Variants in CSMD1 observed in about 807,000 individuals in gnomAD.
CSMD1 encodes CUB and sushi domain-containing protein 1.
A neutral mutation model predicts 417.5 loss-of-function variants in CSMD1; 213 were observed. That is an observed-to-expected ratio of 0.51 (90% CI 0.46 to 0.57). CSMD1 has a LOEUF of 0.57. Among genes scored for constraint, CSMD1 ranks in the 20% least tolerant of loss-of-function variants. CSMD1 has a pLI of 0.00. For synonymous variants in CSMD1, 2,862 were observed against 1,736.8 expected, an observed-to-expected ratio of 1.65 and a Z score of -16.11; for missense variants, 6,923 against 4,529.7, an observed-to-expected ratio of 1.53 and a Z score of -15.17.
At chr8:4,645,720 G>T (rs143942300) in intron 1 of CSMD1, among the ~76,000 whole-genome samples, 5 of 152,132 alleles carry the variant, frequency 3.3e-5, no homozygotes, top group Admixed American at 2.6e-4. Context: ...TATTTAGCTA[G>T]AGGGCCTCCT....
chr8:4,877,055 T>A lies in CSMD1; in HGVS notation c.85+117277A>T, dbSNP rs140852042. 7.9e-3 allele frequency among the ~76,000 whole-genome samples: 1,209 copies of A among 152,226 alleles called. 9 individuals are homozygous for A. Among genetic ancestry groups the A allele is most frequent in the Non-Finnish European group, 0.011 (758 of 67,998 alleles). ...AAAGGCATCCTCCTTATGTGGAGAT[T>A]AATTTTAACAGTTATTTCTTTCAAA... On this transcript the variant is annotated intron_variant, in intron 1 of 69. Transcript: ENST00000635120.
chr8:4,041,056 G>T (rs374895702), intron 3 of CSMD1, among the ~76,000 whole-genome samples: 5 of 123,726 alleles, frequency 4.0e-5, no homozygotes, highest in South Asian at 2.5e-4. Context: ...TCGCTCTGTC[G>T]CCCAGGCTGG....
intron 5 of CSMD1, among the ~76,000 whole-genome samples, chr8:3,783,554 G>T (rs1044664847): frequency 1.3e-5 from 2 of 152,230 alleles, no homozygotes; most frequent in East Asian, 3.9e-4. Flanking sequence ...GGGCACAGGA[G>T]GAAGCACCAC....
chr8:3,633,167 T>C (rs1035291638), intron 7 of CSMD1, among the ~76,000 whole-genome samples: 4 of 152,228 alleles, frequency 2.6e-5, no homozygotes, highest in African/African-American at 9.6e-5. Flanking sequence ...TCATTAAACA[T>C]CATATATGAT....
intron 3 of CSMD1, among the ~76,000 whole-genome samples, chr8:4,276,394 T>A (rs544064044): frequency 1.3e-5 from 2 of 152,194 alleles, no homozygotes; most frequent in Non-Finnish European, 2.9e-5. Context: ...AAACACCACA[T>A]GTTTTCACTC....
intron 4 of CSMD1, among the ~76,000 whole-genome samples, chr8:4,014,834 G>A (rs1796445420): frequency 6.6e-6 from 1 of 152,240 alleles, no homozygotes; most frequent in East Asian, 1.9e-4. Flanking sequence ...CATGGTATCT[G>A]CATGGAATAA....
At chr8:4,096,095 A>T (rs1431444527) in intron 3 of CSMD1, among the ~76,000 whole-genome samples, 1 of 152,054 alleles carries the variant, frequency 6.6e-6, no homozygotes, top group African/African-American at 2.4e-5. Context: ...TTATCACAAG[A>T]CTGTTGTTGG....
chr8:4,935,292 G>A (rs1476568096), intron 1 of CSMD1, among the ~76,000 whole-genome samples: 1 of 152,096 alleles, frequency 6.6e-6, no homozygotes, highest in African/African-American at 2.4e-5. Flanking sequence ...TGTTCCCCAT[G>A]ACTGAGCTCA....
intron 1 of CSMD1, among the ~76,000 whole-genome samples, chr8:4,819,977 A>G (rs1474868890): frequency 1.3e-5 from 2 of 152,210 alleles, no homozygotes; most frequent in African/African-American, 4.8e-5. Context: ...GTTTTATTGT[A>G]ATTGGTAAAC....
intron 54 of CSMD1, among the ~76,000 whole-genome samples, chr8:2,994,315 A>C (rs1170605384): frequency 1.3e-5 from 2 of 152,158 alleles, no homozygotes; most frequent in African/African-American, 2.4e-5. Flanking sequence ...CATACAATTA[A>C]AGGGAATTGA....
chr8:3,013,272 T>C (rs980349192), intron 52 of CSMD1, among the ~76,000 whole-genome samples: 1 of 152,182 alleles, frequency 6.6e-6, no homozygotes, highest in Non-Finnish European at 1.5e-5. Flanking sequence ...CCCACCCACA[T>C]GTTCCTGATT....
At chr8:4,787,948 C>G (rs1797496909) in intron 1 of CSMD1, 1 of 1,594,968 alleles carries the variant, frequency 6.3e-7, no homozygotes, top group African/African-American at 1.3e-5. Context: ...GACAATGATT[C>G]CTGGAGACTC....
intron 29 of CSMD1, 27 bp from the exon 30 acceptor site, chr8:3,214,718 A>C (rs1204270208): frequency 5.3e-5 from 80 of 1,520,582 alleles, no homozygotes; most frequent in Non-Finnish European, 6.9e-5. Context: ...TGTAAACTGC[A>C]TGAGAGCAGG....
At chr8:4,301,927 G>T (rs1798000737) in intron 3 of CSMD1, among the ~76,000 whole-genome samples, 1 of 151,986 alleles carries the variant, frequency 6.6e-6, no homozygotes, top group South Asian at 2.1e-4. Flanking sequence ...GCTTTGATAG[G>T]GGCTCTTTTC....
At chr8:3,317,833 C>G (rs1158525440) in intron 23 of CSMD1, among the ~76,000 whole-genome samples, 1 of 152,156 alleles carries the variant, frequency 6.6e-6, no homozygotes, top group Admixed American at 6.5e-5. Context: ...TTTTTTGAGA[C>G]AAGGTCTTGC....
rs75280962 is a variant in CSMD1 at position 3,874,231 on chromosome 8, A to G, written c.819-120189T>C. ...CTTCCTAACCTTCCTGCAATTTTCT[A>G]AAGGATGAAGAGCATGTTTATTTTA... On this transcript the variant is annotated intron_variant, in intron 5 of 69. Transcript: ENST00000635120. 6.9e-3 allele frequency among the ~76,000 whole-genome samples: 1,058 copies of G among 152,250 alleles called. 11 individuals are homozygous for G. The highest frequency in any genetic ancestry group is 0.024 in the African/African-American group (1,017 of 41,538).
chr8:4,832,696 G>A (rs767637460), intron 1 of CSMD1, among the ~76,000 whole-genome samples: 2 of 152,136 alleles, frequency 1.3e-5, no homozygotes, highest in African/African-American at 4.8e-5. Context: ...TCAGGTAAAT[G>A]TAACAAAGAT....
chr8:3,299,017 G>GAA (rs1804180540), intron 25 of CSMD1, among the ~76,000 whole-genome samples: 2 of 152,252 alleles, frequency 1.3e-5, no homozygotes, highest in Non-Finnish European at 2.9e-5. Context: ...TGCCATCTTG[G>GAA]AAAATGTCTC....
In CSMD1 at chr8:4,716,725, T is replaced by G. The variant is rs117332655; in HGVS notation, c.86-79167A>C. 4.0e-4 allele frequency among the ~76,000 whole-genome samples: 61 copies of G among 152,300 alleles called. 1 individual carries two copies. The highest frequency in any genetic ancestry group is 7.3e-4 in the Non-Finnish European group (50 of 68,028). On this transcript the variant is annotated intron_variant, in intron 1 of 69. Coordinates refer to ENST00000635120, the MANE Select transcript of CSMD1 (RefSeq NM_033225.6). Reference sequence around the variant, plus strand: ...ATTCAAGATGATTTTAATTTTGTAGTCTTGTGAGAATTAACTAAAAACTGA... The same window carrying G: ...ATTCAAGATGATTTTAATTTTGTAGGCTTGTGAGAATTAACTAAAAACTGA...
Sources: allele counts gnomAD v4.1 joint callset (sites outside exome capture counted in the v4.1 genomes callset), GRCh38; gene constraint gnomAD v4.1.1; transcripts MANE v1.5; gene names NCBI Gene and HGNC (gene_info 2026-07-23, HGNC 2026-07-21).